Variants in CNTNAP3 observed in about 807,000 individuals in gnomAD.
CNTNAP3 encodes contactin associated protein family member 3.
Under a neutral mutation model 92.1 loss-of-function variants are expected in CNTNAP3, and 36 were observed. The observed-to-expected ratio is 0.39, with a 90% CI of 0.30 to 0.52. CNTNAP3 has a LOEUF of 0.52. Among genes scored for constraint, CNTNAP3 ranks in the 20% least tolerant of loss-of-function variants. The pLI is 0.76. For synonymous variants in CNTNAP3, 232 were observed against 422.3 expected (o/e 0.55, Z 5.53); for missense variants, 534 against 1,069.6 (o/e 0.50, Z 6.98).
Position 39,069,787 on chromosome 9 carries a change from C to T in CNTNAP3, c.*4103G>A, listed in dbSNP as rs1587689622. Among the ~76,000 whole-genome samples the T allele has an allele frequency of 6.6e-6, 1 of 152,424 alleles. No homozygotes were observed. The highest frequency in any genetic ancestry group is 1.9e-4 in the East Asian group (1 of 5,196). ...GTTCTGACAACACATCAGCAATGAA[C>T]TTAGCCTGAGCTACATCCATTGGGA... On this transcript the variant is annotated 3_prime_UTR_variant, in exon 24 of 24. Coordinates refer to ENST00000297668, the MANE Select transcript of CNTNAP3 (RefSeq NM_033655.5).
chr9:39,068,342 G>A lies in CNTNAP3; in HGVS notation c.*5548C>T, dbSNP rs369182. 5.4e-3 allele frequency among the ~76,000 whole-genome samples: 797 copies of A among 148,222 alleles called. No individual in the cohort carries two copies. The highest frequency in any genetic ancestry group is 0.02 in the African/African-American group (743 of 37,720). Reference sequence around the variant, plus strand: ...GAGGCAGGAGAATGGCATGAACCCTGGAGGCGGAGCTTGCAGTGAGCCAGG... The same window carrying A: ...GAGGCAGGAGAATGGCATGAACCCTAGAGGCGGAGCTTGCAGTGAGCCAGG... On this transcript the variant is annotated 3_prime_UTR_variant, in exon 24 of 24. Coordinates refer to ENST00000297668, the MANE Select transcript of CNTNAP3 (RefSeq NM_033655.5).
At chr9:39,140,702 A>G (rs1239292647) in intron 11 of CNTNAP3, 64 bp from the exon 12 acceptor site, 3 of 1,517,962 alleles carry the variant, frequency 2.0e-6, no homozygotes, top group Non-Finnish European at 2.6e-6. Context: ...TCAGTGTCCA[A>G]AGGTTTGCAT....
chr9:39,078,759 G>C lies in CNTNAP3; in HGVS notation c.3604C>G (p.Arg1202Gly), dbSNP rs1265063427. The C allele has an allele frequency of 1.3e-5, 19 of 1,489,432 alleles. No homozygotes were observed. In the Admixed American group the frequency reaches 2.0e-4, roughly 16 times the overall value. The allele number at this position is 1,489,432 out of a possible 1,614,324, so 92.3% of individuals were successfully genotyped here. ...TVRGHVAPMA[R>G]CAAGAASGSP... ...CCGGACGCCGCCCCCGCTGCGCAGCGGGCCATAGGGGCCACGTGGCCGCGG... is the reference window on the plus strand; with the variant it reads ...CCGGACGCCGCCCCCGCTGCGCAGCCGGCCATAGGGGCCACGTGGCCGCGG... The change falls in exon 22 of 24, where the codon CGC becomes GGC. Residue 1202 changes from arginine (R) to glycine (G), a missense_variant. Arg to Gly is a moderately radical substitution (Grantham distance 125, BLOSUM62 -2). Transcript: ENST00000297668.
intron 18 of CNTNAP3, among the ~76,000 whole-genome samples, chr9:39,093,441 A>C (rs1826256336): frequency 2.0e-5 from 3 of 148,328 alleles, no homozygotes; most frequent in South Asian, 4.3e-4. Flanking sequence ...TTAAATTCAC[A>C]ATGTTGTGCA....
intron 3 of CNTNAP3, among the ~76,000 whole-genome samples, chr9:39,209,664 C>G (rs1244242381): frequency 7.8e-5 from 3 of 38,460 alleles, no homozygotes; most frequent in African/African-American, 2.7e-4. Flanking sequence ...CTCCCCCTTC[C>G]CCCCTCCCCC....
At chr9:39,074,386 T>C (rs201890411) in intron 23 of CNTNAP3, among the ~76,000 whole-genome samples, 48,066 of 135,660 alleles carry the variant, frequency 0.35, 9,373 homozygotes, top group African/African-American at 0.49. Context: ...GCAGACATCA[T>C]TGCTTTTTAA....
At chr9:39,114,275 G>A (rs1248894420) in intron 14 of CNTNAP3, among the ~76,000 whole-genome samples, 1 of 151,528 alleles carries the variant, frequency 6.6e-6, no homozygotes, top group Admixed American at 6.6e-5. Context: ...TAGTAGAGAC[G>A]GGGTTTCACC....
chr9:39,114,061 T>C (rs1384321571), intron 14 of CNTNAP3, among the ~76,000 whole-genome samples: 8 of 146,804 alleles, frequency 5.4e-5, no homozygotes, highest in African/African-American at 1.8e-4. Context: ...CACACATATA[T>C]ATATATACAC....
chr9:39,131,732 A>T (rs1392679655), intron 13 of CNTNAP3, among the ~76,000 whole-genome samples: 6 of 152,118 alleles, frequency 3.9e-5, no homozygotes, highest in Non-Finnish European at 7.4e-5. Flanking sequence ...AGGCTGAGGC[A>T]GGAGAATCGC....
chr9:39,090,488 C>A (rs1261762986), intron 18 of CNTNAP3, among the ~76,000 whole-genome samples: 2 of 152,224 alleles, frequency 1.3e-5, no homozygotes, highest in Non-Finnish European at 2.9e-5. Context: ...CTACTTCTTC[C>A]CATTGGGTTG....
At chr9:39,074,748 T>C (rs1825708352) in intron 23 of CNTNAP3, among the ~76,000 whole-genome samples, 1 of 152,214 alleles carries the variant, frequency 6.6e-6, no homozygotes, top group African/African-American at 2.4e-5. Context: ...GAAATTGTTT[T>C]CAAATACTTT....
chr9:39,113,763 A>C (rs1293612867), intron 14 of CNTNAP3, among the ~76,000 whole-genome samples: 9 of 151,836 alleles, frequency 5.9e-5, no homozygotes, highest in Admixed American at 2.0e-4. Flanking sequence ...TTTTATACTT[A>C]TTCAACAATA....
intron 21 of CNTNAP3, chr9:39,085,458 CAAG>C: frequency 2.3e-6 from 1 of 433,758 alleles, no homozygotes; most frequent in Non-Finnish European, 4.1e-6. Flanking sequence ...TTTCACTTTT[CAAG>C]AAGGATTAGA....
At position 39,155,893 on chromosome 9, in the gene CNTNAP3, CA is replaced by C; in HGVS notation, c.1478-5917del. 1.4e-5 allele frequency among the ~76,000 whole-genome samples: 2 copies of C among 145,332 alleles called. 1 individual carries two copies. Among genetic ancestry groups the C allele is most frequent in the South Asian group, 4.3e-4 (2 of 4,666 alleles). ...AAAAAGAAACATAATGAAACGAACT[CA>C]TTATTAAAACTGGATTACAGGATTA... On this transcript the variant is annotated intron_variant, in intron 9 of 23. Coordinates refer to ENST00000297668, the MANE Select transcript of CNTNAP3 (RefSeq NM_033655.5).
At chr9:39,151,039 G>A (rs1349328332) in intron 9 of CNTNAP3, among the ~76,000 whole-genome samples, 2 of 147,504 alleles carry the variant, frequency 1.4e-5, no homozygotes, top group Non-Finnish European at 1.5e-5. Flanking sequence ...AAGGATGAAA[G>A]TACACACTCT....
chr9:39,073,532 A>G lies in CNTNAP3; in HGVS notation c.*358T>C, dbSNP rs1395219728. 4 of 329,192 alleles carry G rather than the reference A, an allele frequency of 1.2e-5. No homozygotes were observed. The highest frequency in any genetic ancestry group is 2.3e-5 in the Non-Finnish European group (4 of 176,790). 20.4% of individuals were successfully genotyped at this position (329,192 alleles called of 1,614,324 possible). The stretch of plus-strand genomic sequence containing the variant: ...AAAGTAGGGCCACAGCTTTATAGCC[A>G]TTTTCTCATCTAAAACCCCACAATT... On this transcript the variant is annotated 3_prime_UTR_variant, in exon 24 of 24. Transcript: ENST00000297668.
chr9:39,101,048 A>G (rs573038339), intron 17 of CNTNAP3, among the ~76,000 whole-genome samples: 8 of 148,502 alleles, frequency 5.4e-5, no homozygotes, highest in African/African-American at 2.0e-4. Flanking sequence ...TTTTACGCTA[A>G]TTGTGTTTCT....
At chr9:39,123,155 T>G (rs1307515229) in intron 13 of CNTNAP3, among the ~76,000 whole-genome samples, 3 of 147,166 alleles carry the variant, frequency 2.0e-5, no homozygotes, top group African/African-American at 7.6e-5. Context: ...AGTGCAGTGG[T>G]GCAATCTCGG....
chr9:39,099,705 A>G, intron 18 of CNTNAP3: 2 of 755,118 alleles, frequency 2.6e-6, no homozygotes, highest in East Asian at 2.7e-5. Context: ...CTTCTAAATA[A>G]GAAACCCAGA....
Sources: gnomAD v4.1 joint callset for allele counts (sites outside exome capture counted in the v4.1 genomes callset) on GRCh38, gnomAD v4.1.1 for gene constraint, MANE v1.5 for transcripts, NCBI Gene and HGNC (gene_info 2026-07-23, HGNC 2026-07-21) for gene names.